The following PARD3 variants were observed in gnomAD, a reference collection of about 807,000 sequenced individuals.
PARD3 encodes partitioning defective 3 homolog.
Under a neutral mutation model 155.4 loss-of-function variants are expected in PARD3, and 75 were observed. The observed-to-expected ratio is 0.48, with a 90% CI of 0.40 to 0.58. The LOEUF is 0.58. Among genes scored for constraint, PARD3 ranks in the 20% least tolerant of loss-of-function variants. PARD3 has a pLI of 0.00. For synonymous variants in PARD3, 576 were observed against 610.5 expected (o/e 0.94, Z 0.83); for missense variants, 1,642 against 1,721.7 (o/e 0.95, Z 0.82).
intron 7 of PARD3, among the ~76,000 whole-genome samples, chr10:34,396,515 C>G (rs1226045993): frequency 6.6e-6 from 1 of 152,074 alleles, no homozygotes; most frequent in Non-Finnish European, 1.5e-5. Flanking sequence ...GGTTGTGTTC[C>G]TTCTCTTCAA....
rs1836107408 is a variant in PARD3 at position 34,752,074 on chromosome 10, T to C, written c.121-55655A>G. Among the ~76,000 whole-genome samples, 3 of 152,090 alleles carry C rather than the reference T, an allele frequency of 2.0e-5. No homozygotes were observed. In the South Asian group the frequency reaches 6.2e-4, roughly 32 times the overall value. ...TTTCCTAATTTGTTAACCTAATGCT[T>C]TTCTCAGTACATGATAATTTAGTCA... On this transcript the variant is annotated intron_variant, in intron 1 of 24. Coordinates refer to ENST00000374788, the MANE Select transcript of PARD3 (RefSeq NM_001184785.2).
intron 5 of PARD3, among the ~76,000 whole-genome samples, chr10:34,405,301 T>A (rs1052918383): frequency 1.3e-5 from 2 of 152,110 alleles, no homozygotes; most frequent in Non-Finnish European, 2.9e-5. Context: ...TTAGGGCAAT[T>A]ATGTACAAAT....
chr10:34,477,943 C>G (rs1268335308), intron 3 of PARD3, among the ~76,000 whole-genome samples: 1 of 152,216 alleles, frequency 6.6e-6, no homozygotes, highest in Non-Finnish European at 1.5e-5. Context: ...AAGTTATTAT[C>G]ACATGCTGTG....
intron 21 of PARD3, among the ~76,000 whole-genome samples, chr10:34,271,033 T>C (rs1564536339): frequency 6.6e-6 from 1 of 152,168 alleles, no homozygotes; most frequent in Admixed American, 6.6e-5. Flanking sequence ...AATATCTCCT[T>C]TATATACTTA....
chr10:34,466,405 T>A (rs957183473), intron 4 of PARD3, among the ~76,000 whole-genome samples: 2 of 152,140 alleles, frequency 1.3e-5, no homozygotes, highest in African/African-American at 4.8e-5. Context: ...GAGTTTGACA[T>A]GATGGTGCTC....
chr10:34,162,224 G>A (rs1315550887), intron 22 of PARD3, among the ~76,000 whole-genome samples: 3 of 152,118 alleles, frequency 2.0e-5, no homozygotes, highest in Admixed American at 6.6e-5. Flanking sequence ...TGGGGGGAAG[G>A]GGTGGAGCCA....
chr10:34,766,694 G>A (rs1013002704), intron 1 of PARD3, among the ~76,000 whole-genome samples: 3 of 137,118 alleles, frequency 2.2e-5, no homozygotes, highest in Non-Finnish European at 3.1e-5. Flanking sequence ...AGGAAAAAAA[G>A]CAGGGGTATA....
intron 1 of PARD3, among the ~76,000 whole-genome samples, chr10:34,728,277 A>C (rs993159651): frequency 6.6e-6 from 1 of 152,262 alleles, no homozygotes; most frequent in African/African-American, 2.4e-5. Context: ...CTTCAAATAC[A>C]TACAAATATT....
intron 5 of PARD3, among the ~76,000 whole-genome samples, chr10:34,413,560 TTTTATCCAGATTCTTC>T (rs1845345047): frequency 6.6e-6 from 1 of 152,094 alleles, no homozygotes. Context: ...CTCATAGCCC[TTTTATCCAGATTCTTC>T]TTTATCTCTA....
intron 12 of PARD3, among the ~76,000 whole-genome samples, chr10:34,370,430 T>C (rs1315956818): frequency 3.9e-5 from 6 of 152,000 alleles, no homozygotes; most frequent in African/African-American, 1.2e-4. Context: ...TGACTACATG[T>C]TTTTTATTGT....
intron 3 of PARD3, among the ~76,000 whole-genome samples, chr10:34,511,945 G>A (rs1830433251): frequency 6.6e-6 from 1 of 152,122 alleles, no homozygotes; most frequent in South Asian, 2.1e-4. Flanking sequence ...AGCCCGGGCT[G>A]TTAATTTTAT....
At position 34,780,671 on chromosome 10, in the gene PARD3, C is replaced by T. The variant is rs1054479765; in HGVS notation, c.120+34205G>A. On this transcript the variant is annotated intron_variant, in intron 1 of 24. Transcript: ENST00000374788. ...TATTTTATCCCCAGGGACAACAGTACGCCCTTTCTTTTCTCTTGCCGCAGT... is the reference window on the plus strand; with the variant it reads ...TATTTTATCCCCAGGGACAACAGTATGCCCTTTCTTTTCTCTTGCCGCAGT... 3.7e-4 allele frequency among the ~76,000 whole-genome samples: 57 copies of T among 152,124 alleles called. 1 individual carries two copies. Among genetic ancestry groups the T allele is most frequent in the African/African-American group, 1.2e-3 (51 of 41,418 alleles).
chr10:34,338,219 G>A (rs759394350), intron 16 of PARD3, among the ~76,000 whole-genome samples: 2 of 152,168 alleles, frequency 1.3e-5, no homozygotes, highest in Non-Finnish European at 2.9e-5. Flanking sequence ...TGGCTCAAGC[G>A]GGCATGATAA....
chr10:34,552,236 T>C (rs1429820714), intron 2 of PARD3, among the ~76,000 whole-genome samples: 1 of 152,198 alleles, frequency 6.6e-6, no homozygotes, highest in Non-Finnish European at 1.5e-5. Context: ...GCCTCCCTAG[T>C]AGCTAGGACT....
At chr10:34,478,051 A>C (rs2078826488) in intron 3 of PARD3, among the ~76,000 whole-genome samples, 1 of 152,252 alleles carries the variant, frequency 6.6e-6, no homozygotes, top group South Asian at 2.1e-4. Flanking sequence ...TATTTCCTAG[A>C]ATCTTTGGAA....
intron 2 of PARD3, among the ~76,000 whole-genome samples, chr10:34,647,081 T>C (rs540427167): frequency 7.9e-5 from 12 of 152,374 alleles, no homozygotes; most frequent in Admixed American, 2.6e-4. Flanking sequence ...TCATTCATTC[T>C]GACTGCTATA....
At chr10:34,776,852 T>TGGGGG (rs1839613758) in intron 1 of PARD3, among the ~76,000 whole-genome samples, 1 of 29,640 alleles carries the variant, frequency 3.4e-5, no homozygotes, top group Non-Finnish European at 6.5e-5. Flanking sequence ...GGGGGGCGGG[T>TGGGGG]GGGGGATGGA....
intron 22 of PARD3, among the ~76,000 whole-genome samples, chr10:34,209,268 C>A (rs1456535387): frequency 1.3e-5 from 2 of 152,108 alleles, no homozygotes; most frequent in Non-Finnish European, 2.9e-5. Context: ...AATTTCTCAT[C>A]AAAAATCTAG....
At chr10:34,486,309 T>G (rs1564768086) in intron 3 of PARD3, among the ~76,000 whole-genome samples, 1 of 152,020 alleles carries the variant, frequency 6.6e-6, no homozygotes, top group Non-Finnish European at 1.5e-5. Context: ...CCCGAACTAG[T>G]TTTCAGGTTT....
Sources: allele counts gnomAD v4.1 joint callset (sites outside exome capture counted in the v4.1 genomes callset), GRCh38; gene constraint gnomAD v4.1.1; transcripts MANE v1.5; gene names NCBI Gene and HGNC (gene_info 2026-07-23, HGNC 2026-07-21).